The following SYT1 variants were observed in gnomAD, a reference collection of about 807,000 sequenced individuals.
The protein encoded by SYT1 is synaptotagmin-1.
Under a neutral mutation model 44.8 loss-of-function variants are expected in SYT1, and 8 were observed. The ratio of observed to expected loss-of-function variants is 0.18; its 90% CI spans 0.10 to 0.32. The LOEUF (loss-of-function observed/expected upper bound fraction) is 0.32, where lower values mean the gene tolerates loss of function less well. SYT1 is among the 10% of genes least tolerant of loss of function. The pLI, the probability that SYT1 is intolerant of heterozygous loss-of-function variation, is 1.00. For missense variants in SYT1, 286 were observed against 509.3 expected (o/e 0.56, Z 4.22); for synonymous variants, 154 against 188.8 (o/e 0.82, Z 1.51).
chr12:79,028,497 T>C (rs936159971), intron 2 of SYT1, among the ~76,000 whole-genome samples: 4 of 151,454 alleles, frequency 2.6e-5, no homozygotes, highest in Non-Finnish European at 3.0e-5. Flanking sequence ...CTGTAAACAC[T>C]AGGAGAGTAA....
rs79471001 is a variant in SYT1, at chr12:79,375,687, C to T, written c.928+22068C>T. Reference sequence around the variant, plus strand: ...TCTTTGTTATTCTCTATTCTTGTACCTGTCTGCTTCACTTATTGCTCATAG... The same window carrying T: ...TCTTTGTTATTCTCTATTCTTGTACTTGTCTGCTTCACTTATTGCTCATAG... On this transcript the variant is annotated intron_variant, in intron 9 of 10. Transcript: ENST00000261205. Among the ~76,000 whole-genome samples, 4 of 152,298 alleles carry T rather than the reference C, an allele frequency of 2.6e-5. No homozygotes were observed. In the East Asian group the frequency reaches 7.7e-4, roughly 29 times the overall value.
chr12:79,292,602 A>G (rs565849382), intron 6 of SYT1, among the ~76,000 whole-genome samples: 224 of 152,322 alleles, frequency 1.5e-3, no homozygotes, highest in Non-Finnish European at 2.5e-3. Context: ...ATTCTTGTCC[A>G]TTAAATTTAA....
intron 2 of SYT1, among the ~76,000 whole-genome samples, chr12:79,019,452 AATATCATAAT>A (rs1465199554): frequency 4.6e-5 from 7 of 151,994 alleles, no homozygotes; most frequent in Admixed American, 1.3e-4. Context: ...ACACATTGAT[AATATCATAAT>A]GATAGTAATC....
intron 3 of SYT1, among the ~76,000 whole-genome samples, chr12:79,054,890 T>C (rs1398814056): frequency 6.6e-6 from 1 of 151,980 alleles, no homozygotes; most frequent in Non-Finnish European, 1.5e-5. Context: ...TCACTTTCCC[T>C]GGAAATTGAG....
intron 1 of SYT1, among the ~76,000 whole-genome samples, chr12:78,876,057 T>C (rs1874051873): frequency 6.6e-6 from 1 of 151,724 alleles, no homozygotes; most frequent in African/African-American, 2.4e-5. Flanking sequence ...TCAATGCAAT[T>C]TCCTTTTGAG....
chr12:78,995,883 C>A (rs1407352482), intron 2 of SYT1: 1 of 152,172 alleles, frequency 6.6e-6, no homozygotes, highest in Non-Finnish European at 1.5e-5. Flanking sequence ...TTTGAATGAA[C>A]TGTGGTGTTA....
At chr12:79,442,195 C>T (rs1007906705) in intron 9 of SYT1, among the ~76,000 whole-genome samples, 14 of 152,046 alleles carry the variant, frequency 9.2e-5, no homozygotes, top group Non-Finnish European at 1.9e-4. Flanking sequence ...TTCATCAGTC[C>T]CAAAGAACAA....
intron 3 of SYT1, among the ~76,000 whole-genome samples, chr12:79,213,003 A>G (rs923279769): frequency 6.6e-6 from 1 of 152,210 alleles, no homozygotes; most frequent in Non-Finnish European, 1.5e-5. Context: ...AAATGGAATC[A>G]TTAGTATTAG....
intron 2 of SYT1, among the ~76,000 whole-genome samples, chr12:78,983,943 T>C (rs527408420): frequency 1.5e-4 from 23 of 152,130 alleles, no homozygotes; most frequent in Admixed American, 7.2e-4. Context: ...GTACAAAGTT[T>C]GGTCCTTAGC....
At chr12:79,418,672 G>A (rs1465216274) in intron 9 of SYT1, among the ~76,000 whole-genome samples, 1 of 152,118 alleles carries the variant, frequency 6.6e-6, no homozygotes, top group African/African-American at 2.4e-5. Context: ...TCTTAAAGAT[G>A]TCTGAGTAGA....
chr12:79,294,742 T>G (rs1166063715), intron 6 of SYT1, among the ~76,000 whole-genome samples: 3 of 152,148 alleles, frequency 2.0e-5, no homozygotes, highest in African/African-American at 7.2e-5. Flanking sequence ...ACCAAATACC[T>G]ACTTAGCAAA....
chr12:79,128,782 A>T (rs148626719), intron 3 of SYT1, among the ~76,000 whole-genome samples: 111 of 152,356 alleles, frequency 7.3e-4, no homozygotes, highest in African/African-American at 2.5e-3. Flanking sequence ...TATAATAAAA[A>T]ATAAATTAAT....
intron 2 of SYT1, among the ~76,000 whole-genome samples, chr12:79,014,718 C>A (rs1308549245): frequency 6.6e-6 from 1 of 152,060 alleles, no homozygotes; most frequent in East Asian, 1.9e-4. Flanking sequence ...TGGGTATATA[C>A]CCAAAGGACT....
At chr12:79,439,037 C>T (rs1340897817) in intron 9 of SYT1, among the ~76,000 whole-genome samples, 1 of 152,182 alleles carries the variant, frequency 6.6e-6, no homozygotes, top group Non-Finnish European at 1.5e-5. Context: ...CATACTACCA[C>T]ATCTCTAACA....
intron 2 of SYT1, among the ~76,000 whole-genome samples, chr12:78,998,325 T>C (rs77701300): frequency 6.6e-6 from 1 of 152,174 alleles, no homozygotes; most frequent in Admixed American, 6.5e-5. Context: ...TGAAACAAAT[T>C]TCATTCATAC....
At chr12:79,132,093 CAG>C (rs1868861248) in intron 3 of SYT1, among the ~76,000 whole-genome samples, 2 of 152,094 alleles carry the variant, frequency 1.3e-5, no homozygotes, top group South Asian at 4.1e-4. Flanking sequence ...TACAACTAAA[CAG>C]AAAAAATAAA....
At chr12:78,875,449 G>T (rs944846678) in intron 1 of SYT1, among the ~76,000 whole-genome samples, 3 of 151,496 alleles carry the variant, frequency 2.0e-5, no homozygotes, top group Non-Finnish European at 3.0e-5. Context: ...CAATAGTGGG[G>T]AATGTGATCA....
At chr12:78,995,204 A>G (rs768737067) in intron 2 of SYT1, among the ~76,000 whole-genome samples, 1 of 152,216 alleles carries the variant, frequency 6.6e-6, no homozygotes, top group Non-Finnish European at 1.5e-5. Context: ...AAGTTTTAAC[A>G]AGAATCCCCA....
intron 1 of SYT1, among the ~76,000 whole-genome samples, chr12:78,957,898 G>T (rs2137323245): frequency 6.6e-6 from 1 of 152,242 alleles, no homozygotes; most frequent in African/African-American, 2.4e-5. Context: ...TTTAAAATCA[G>T]TTGACCCAAT....
Sources: allele counts gnomAD v4.1 joint callset (sites outside exome capture counted in the v4.1 genomes callset), GRCh38; gene constraint gnomAD v4.1.1; transcripts MANE v1.5; gene names NCBI Gene and HGNC (gene_info 2026-07-23, HGNC 2026-07-21).